Variants in CLOCK observed in about 807,000 individuals in gnomAD.
CLOCK encodes the protein circadian locomoter output cycles protein kaput.
In CLOCK, 43 loss-of-function variants were observed where a neutral mutation model predicts 118.4. That is an observed-to-expected ratio of 0.36 (90% CI 0.28 to 0.47). CLOCK has a LOEUF of 0.47. CLOCK is among the 20% of genes least tolerant of loss of function. The probability of loss-of-function intolerance (pLI) is 1.00; values close to 1 mark genes in which losing one functional copy is unlikely to be tolerated. For synonymous variants in CLOCK, 326 were observed against 339.2 expected (o/e 0.96, Z 0.43); for missense variants, 846 against 999.9 (o/e 0.85, Z 2.08).
At chr4:55,484,008 C>G (rs576518572) in intron 3 of CLOCK, among the ~76,000 whole-genome samples, 1 of 152,194 alleles carries the variant, frequency 6.6e-6, no homozygotes, top group African/African-American at 2.4e-5. Flanking sequence ...AGGAAATGCT[C>G]AACGGAGCAT....
Position 55,429,688 on chromosome 4 carries a change from T to C in CLOCK, c.*5727A>G, listed in dbSNP as rs1181913710. 3.3e-5 allele frequency: 5 copies of C among 152,230 alleles called. No individual in the cohort carries two copies. The highest frequency in any genetic ancestry group is 7.3e-5 in the Non-Finnish European group (5 of 68,040). The allele number at this position is 152,230 out of a possible 1,614,324, so 9.4% of individuals were successfully genotyped here. A position where few individuals can be genotyped will look rare whatever the true frequency, so the allele number is the denominator to read the frequency against. On this transcript the variant is annotated 3_prime_UTR_variant, in exon 23 of 23. Transcript: ENST00000513440. ...GGCAAAATAGAGGCATCATGTGCCATTGGTTCTGTCATACTGGCCTTTGAC... is the reference window on the plus strand; with the variant it reads ...GGCAAAATAGAGGCATCATGTGCCACTGGTTCTGTCATACTGGCCTTTGAC...
chr4:55,448,772 A>G lies in CLOCK; in HGVS notation c.1539+7T>C, dbSNP rs1383282622. On this transcript the variant is annotated splice_region_variant and intron_variant, in intron 18 of 22. Coordinates refer to ENST00000513440, the MANE Select transcript of CLOCK (RefSeq NM_004898.4). The stretch of plus-strand genomic sequence containing the variant: ...AATACGCAACTGAAACAAAAACCAA[A>G]AAGTACCTGGGACATGCCTTGTGGA... The G allele has an allele frequency of 1.2e-6, 2 of 1,612,468 alleles. No homozygotes were observed. The highest frequency in any genetic ancestry group is 1.1e-5 in the South Asian group (1 of 91,006).
chr4:55,532,667 GA>G (rs1400397211), intron 1 of CLOCK, among the ~76,000 whole-genome samples: 3 of 152,060 alleles, frequency 2.0e-5, no homozygotes, highest in African/African-American at 7.2e-5. Context: ...AGGAATTTGA[GA>G]CCTTATCTCT....
intron 2 of CLOCK, among the ~76,000 whole-genome samples, chr4:55,500,756 C>T (rs184196181): frequency 3.3e-5 from 5 of 152,280 alleles, no homozygotes; most frequent in Admixed American, 1.3e-4. Context: ...TTAGTAGTCA[C>T]GACTAATTGT....
intron 2 of CLOCK, among the ~76,000 whole-genome samples, chr4:55,494,318 C>T (rs779028962): frequency 1.3e-5 from 2 of 152,170 alleles, no homozygotes; most frequent in Non-Finnish European, 2.9e-5. Context: ...TGTCCATTCC[C>T]TCTTCCCTGG....
At chr4:55,454,695 T>A (rs1239185742) in intron 13 of CLOCK, among the ~76,000 whole-genome samples, 2 of 152,048 alleles carry the variant, frequency 1.3e-5, no homozygotes, top group African/African-American at 4.8e-5. Context: ...TCTTCAGTTT[T>A]CTCAAAACCT....
rs1462309189 is a variant in CLOCK at position 55,427,909 on chromosome 4, G to A, written c.*7506C>T. The A allele has an allele frequency of 6.6e-6, 1 of 152,172 alleles. No individual in the cohort carries two copies. The highest frequency in any genetic ancestry group is 1.5e-5 in the Non-Finnish European group (1 of 68,032). 9.4% of individuals were successfully genotyped at this position (152,172 alleles called of 1,614,324 possible). A position where few individuals can be genotyped will look rare whatever the true frequency, so the allele number is the denominator to read the frequency against. Reference sequence around the variant, plus strand: ...AAAAGAAAGGGAAATGTCATTGATAGTGATCTTAAAATATTTAATAGTCTT... The same window carrying A: ...AAAAGAAAGGGAAATGTCATTGATAATGATCTTAAAATATTTAATAGTCTT... On this transcript the variant is annotated 3_prime_UTR_variant, in exon 23 of 23. Coordinates refer to ENST00000513440, the MANE Select transcript of CLOCK (RefSeq NM_004898.4).
intron 1 of CLOCK, among the ~76,000 whole-genome samples, chr4:55,522,279 AT>A (rs1681168396): frequency 2.0e-5 from 3 of 152,204 alleles, no homozygotes; most frequent in Non-Finnish European, 4.4e-5. Context: ...AAGAAAAAAA[AT>A]AATATATTTG....
intron 7 of CLOCK, among the ~76,000 whole-genome samples, chr4:55,472,076 A>C (rs1726183120): frequency 6.6e-6 from 1 of 151,184 alleles, no homozygotes; most frequent in Non-Finnish European, 1.5e-5. Flanking sequence ...GTCTCAAAAT[A>C]GTAATAAAAA....
At chr4:55,456,328 A>G (rs1394279113) in intron 11 of CLOCK, 28 bp from the exon 12 acceptor site, 1 of 1,362,808 alleles carries the variant, frequency 7.3e-7, no homozygotes. Context: ...AAATTTATAA[A>G]TACTTTGTGT....
intron 6 of CLOCK, 90 bp downstream of exon 6, chr4:55,478,725 G>T: frequency 7.8e-7 from 1 of 1,287,244 alleles, no homozygotes; most frequent in Non-Finnish European, 1.1e-6. Context: ...TCTTAAAAAA[G>T]CCAAGGAAGC....
intron 2 of CLOCK, among the ~76,000 whole-genome samples, chr4:55,497,156 G>T (rs533979996): frequency 6.6e-6 from 1 of 152,262 alleles, no homozygotes; most frequent in Admixed American, 6.5e-5. Flanking sequence ...TGTTGGCAGG[G>T]CTGAATTCCC....
chr4:55,544,116 C>CA (rs1731456157), intron 1 of CLOCK, among the ~76,000 whole-genome samples: 1 of 151,368 alleles, frequency 6.6e-6, no homozygotes, highest in Admixed American at 6.6e-5. Flanking sequence ...TTTCAACAAT[C>CA]CAGTCCTAAA....
At chr4:55,463,569 A>C in intron 9 of CLOCK, 116 bp downstream of exon 9, 1 of 904,438 alleles carries the variant, frequency 1.1e-6, no homozygotes. Flanking sequence ...AAAGGACCTA[A>C]TAGGGCATAT....
rs953055538 is a variant in CLOCK at position 55,433,836 on chromosome 4, C to T, written c.*1579G>A. ...TCACGTTTAGAAGGCATGTGAGTTA[C>T]AATATTCTAATGTTGTAGTGAAGGC... is the stretch of plus-strand genomic sequence containing the variant. On this transcript the variant is annotated 3_prime_UTR_variant, in exon 23 of 23. Transcript: ENST00000513440. The T allele has an allele frequency of 2.0e-5, 3 of 152,140 alleles. No individual in the cohort carries two copies. The highest frequency in any genetic ancestry group is 2.4e-5 in the African/African-American group (1 of 41,430). The allele number at this position is 152,140 out of a possible 1,614,324, so 9.4% of individuals were successfully genotyped here. A position where few individuals can be genotyped will look rare whatever the true frequency, so the allele number is the denominator to read the frequency against.
chr4:55,478,783 G>A (rs1726717862), intron 6 of CLOCK, 32 bp downstream of exon 6: 1 of 1,601,118 alleles, frequency 6.2e-7, no homozygotes, highest in Non-Finnish European at 8.5e-7. Flanking sequence ...TGCTTTGAGA[G>A]TCTGTTCCAT....
intron 21 of CLOCK, among the ~76,000 whole-genome samples, chr4:55,441,487 C>G (rs908404560): frequency 6.6e-6 from 1 of 152,100 alleles, no homozygotes; most frequent in Non-Finnish European, 1.5e-5. Context: ...ACCTAAGTGC[C>G]CATCAACCAA....
At chr4:55,453,338 T>C (rs1456027357) in intron 14 of CLOCK, 1 of 531,980 alleles carries the variant, frequency 1.9e-6, no homozygotes, top group Non-Finnish European at 3.4e-6. Flanking sequence ...CTGTAAACGA[T>C]CCATAACCAC....
At chr4:55,441,580 G>A (rs1723371343) in intron 21 of CLOCK, among the ~76,000 whole-genome samples, 1 of 152,176 alleles carries the variant, frequency 6.6e-6, no homozygotes. Context: ...GCATTTTGCA[G>A]CAACTTGGAT....
Sources: gnomAD v4.1 joint callset for allele counts (sites outside exome capture counted in the v4.1 genomes callset) on GRCh38, gnomAD v4.1.1 for gene constraint, MANE v1.5 for transcripts, NCBI Gene and HGNC (gene_info 2026-07-23, HGNC 2026-07-21) for gene names.